The following SNAP91 variants were observed in gnomAD, a reference collection of about 807,000 sequenced individuals.
SNAP91 encodes clathrin coat assembly protein AP180.
Under a neutral mutation model 100.3 loss-of-function variants are expected in SNAP91, and 27 were observed. The ratio of observed to expected loss-of-function variants is 0.27; its 90% confidence interval spans 0.20 to 0.37. The LOEUF (loss-of-function observed/expected upper bound fraction) is 0.37. Ranked by LOEUF, SNAP91 falls within the 10% of genes least tolerant of loss-of-function variation. SNAP91 has a pLI of 1.00. For synonymous variants in SNAP91, 404 were observed against 398.6 expected, an observed-to-expected ratio of 1.01 and a Z score of -0.16; for missense variants, 986 against 1,123.7, an observed-to-expected ratio of 0.88 and a Z score of 1.75.
intron 7 of SNAP91, among the ~76,000 whole-genome samples, chr6:83,654,004 G>A (rs1230370607): frequency 6.6e-6 from 1 of 152,114 alleles, no homozygotes; most frequent in African/African-American, 2.4e-5. Context: ...TTTCAAAATG[G>A]TTCCTTTTCT....
chr6:83,605,590 G>A (rs1414961497), intron 14 of SNAP91, 95 bp downstream of exon 14: 3 of 1,463,490 alleles, frequency 2.0e-6, no homozygotes, highest in Admixed American at 2.4e-5. Flanking sequence ...TACCATTTTA[G>A]ATAATCAAAA....
At chr6:83,692,090 T>C (rs1200771595) in intron 2 of SNAP91, among the ~76,000 whole-genome samples, 1 of 152,160 alleles carries the variant, frequency 6.6e-6, no homozygotes, top group Non-Finnish European at 1.5e-5. Context: ...CAGCTGAGGG[T>C]GAGCTCTTTG....
chr6:83,578,822 T>A (rs1256004437), intron 24 of SNAP91, among the ~76,000 whole-genome samples: 1 of 152,218 alleles, frequency 6.6e-6, no homozygotes, highest in Non-Finnish European at 1.5e-5. Flanking sequence ...TCTCAGGTCA[T>A]AAAGATTTAC....
At chr6:83,644,784 G>A (rs2097851286) in intron 7 of SNAP91, among the ~76,000 whole-genome samples, 1 of 152,100 alleles carries the variant, frequency 6.6e-6, no homozygotes, top group Admixed American at 6.6e-5. Context: ...CACCAATATT[G>A]ATTCCAACAT....
At chr6:83,702,892 A>G (rs2099330770) in intron 2 of SNAP91, among the ~76,000 whole-genome samples, 1 of 152,118 alleles carries the variant, frequency 6.6e-6, no homozygotes, top group African/African-American at 2.4e-5. Flanking sequence ...CTATTACCTA[A>G]GACTGTTTGT....
At chr6:83,707,074 T>G (rs943973466) in intron 2 of SNAP91, among the ~76,000 whole-genome samples, 2 of 152,184 alleles carry the variant, frequency 1.3e-5, no homozygotes, top group African/African-American at 4.8e-5. Flanking sequence ...TCATCTAAAA[T>G]TGCACCATCT....
In SNAP91 at chr6:83,582,318, C is replaced by T; in HGVS notation, c.2053G>A (p.Val685Met). Residue 685 changes from valine to methionine, a missense_variant, in exon 23 of 30, where the codon GTG (valine) becomes ATG (methionine). Physicochemically the swap from Val to Met is conservative, Grantham distance 21. This residue lies in a region of SNAP91 where 575 missense variants were observed against 579.9 expected (regional missense o/e 0.99). Transcript: ENST00000369694. ...AGCAGGTTATTCTGAGCTGGAGTCA[C>T]TGGAGATGGGGAAGGCGCCATGAAA... The part of the protein sequence containing the change: ...GSFMAPSPSP[V>M]TPAQNNLLQP... The T allele has an allele frequency of 6.2e-7, 1 of 1,613,346 alleles. No homozygotes were observed. Among genetic ancestry groups the T allele is most frequent in the Non-Finnish European group, 8.5e-7 (1 of 1,179,652 alleles).
At chr6:83,661,481 A>G in intron 5 of SNAP91, 21 bp downstream of exon 5, 3 of 1,449,620 alleles carry the variant, frequency 2.1e-6, no homozygotes, top group Non-Finnish European at 2.9e-6. Context: ...TCTAATAAAT[A>G]TAAGAAAGAC....
intron 7 of SNAP91, among the ~76,000 whole-genome samples, chr6:83,655,009 C>A (rs1469972006): frequency 6.6e-6 from 1 of 152,176 alleles, no homozygotes; most frequent in Non-Finnish European, 1.5e-5. Flanking sequence ...CTTTGGCTGT[C>A]ATACTCCCAT....
chr6:83,704,001 A>G (rs766808376), intron 2 of SNAP91, among the ~76,000 whole-genome samples: 1 of 152,190 alleles, frequency 6.6e-6, no homozygotes, highest in Non-Finnish European at 1.5e-5. Flanking sequence ...GTTACTTTGG[A>G]CCAACTCTAT....
At chr6:83,703,623 C>G (rs559637135) in intron 2 of SNAP91, among the ~76,000 whole-genome samples, 1 of 152,248 alleles carries the variant, frequency 6.6e-6, no homozygotes, top group African/African-American at 2.4e-5. Flanking sequence ...ACTACCTTTA[C>G]CAGATAGTCT....
rs565901866 is a variant in SNAP91, at chr6:83,651,457, A to T, written c.658+5297T>A. Among the ~76,000 whole-genome samples the T allele has an allele frequency of 2.6e-5, 4 of 152,296 alleles. No individual in the cohort carries two copies. The South Asian group carries it at 8.3e-4, about 32-fold the overall frequency. ...ATAAGGTGTATTTTCAGCATCATTT[A>T]GTTCAAAATATTCTTACATTTCTCT... On this transcript the variant is annotated intron_variant, in intron 7 of 29. Transcript: ENST00000369694.
intron 22 of SNAP91, among the ~76,000 whole-genome samples, chr6:83,586,779 G>C (rs976488517): frequency 1.3e-5 from 2 of 152,066 alleles, no homozygotes; most frequent in Non-Finnish European, 2.9e-5. Flanking sequence ...ATTACTCATT[G>C]TTGTTATGGA....
At chr6:83,633,654 TG>T (rs1402259008) in intron 8 of SNAP91, among the ~76,000 whole-genome samples, 1 of 151,846 alleles carries the variant, frequency 6.6e-6, no homozygotes, top group Non-Finnish European at 1.5e-5. Context: ...GTCAGGGAAG[TG>T]GGGGAAAGCC....
At chr6:83,588,127 C>T (rs1164339676) in intron 22 of SNAP91, among the ~76,000 whole-genome samples, 1 of 152,168 alleles carries the variant, frequency 6.6e-6, no homozygotes, top group Non-Finnish European at 1.5e-5. Context: ...CTGCATCCAA[C>T]CCCTTATATC....
chr6:83,556,171 GT>G lies in SNAP91; in HGVS notation c.2705del (p.Asn902ThrfsTer15). ...AAATTGTTTACAAGAAATCCTTGAT[GT>G]TAAGATCCGCTAATGGGTCCTTTGC... ...PPAKDPLADL[N>X]IKDFL is the part of the protein sequence containing the mutation. On this transcript the variant is annotated frameshift_variant, in exon 29 of 30. Transcript: ENST00000369694. LOFTEE classifies it high-confidence loss of function. 1 of 1,566,356 alleles carries G rather than the reference GT, an allele frequency of 6.4e-7. No homozygotes were observed.
At chr6:83,686,814 A>G (rs907172325) in intron 2 of SNAP91, 2 of 152,222 alleles carry the variant, frequency 1.3e-5, no homozygotes, top group Non-Finnish European at 2.9e-5. Flanking sequence ...GAGGAAGGAC[A>G]AGATGAATGC....
At position 83,560,888 on chromosome 6, in the gene SNAP91, T is replaced by A. The variant is rs372801379; in HGVS notation, c.2502A>T (p.Gly834=). The A allele has an allele frequency of 3.1e-6, 5 of 1,613,718 alleles. No homozygotes were observed. The highest frequency in any genetic ancestry group is 2.7e-5 in the African/African-American group (2 of 74,920). The part of the protein sequence containing the change: ...VPPVAGAPSV[G]QPGAGFGMPP... ...CCATTCCAAATCCTGCTCCAGGTTGTCCAACCGATGGGGCCCCGGCAACAG... is the reference window on the plus strand; with the variant it reads ...CCATTCCAAATCCTGCTCCAGGTTGACCAACCGATGGGGCCCCGGCAACAG... Residue 834 remains glycine, a synonymous_variant, in exon 27 of 30, where the codon GGA becomes GGT. Coordinates refer to ENST00000369694, the MANE Select transcript of SNAP91 (RefSeq NM_001242792.2).
intron 7 of SNAP91, among the ~76,000 whole-genome samples, chr6:83,655,244 T>G (rs1361465207): frequency 6.6e-6 from 1 of 152,114 alleles, no homozygotes; most frequent in African/African-American, 2.4e-5. Flanking sequence ...TCTTTGTAAC[T>G]AAAAAGAGGC....
Sources: gnomAD v4.1 joint callset for allele counts (sites outside exome capture counted in the v4.1 genomes callset) on GRCh38, gnomAD v4.1.1 for gene constraint, gnomAD v4.1.1 regional missense constraint, MANE v1.5 for transcripts, NCBI Gene and HGNC (gene_info 2026-07-23, HGNC 2026-07-21) for gene names.